COL4A2: variants seen among roughly 807,000 people sequenced by gnomAD.
The protein encoded by COL4A2 is collagen type IV alpha 2 chain.
COL4A2 carries 99 observed loss-of-function variants against 200.2 expected under a neutral mutation model. The observed-to-expected ratio is 0.49, with a 90% CI of 0.42 to 0.58. The LOEUF (loss-of-function observed/expected upper bound fraction) is 0.58. Among genes scored for constraint, COL4A2 ranks in the 20% least tolerant of loss-of-function variants. COL4A2 has a pLI of 0.00. For synonymous variants in COL4A2, 897 were observed against 900.6 expected (o/e 1.00, Z 0.07); for missense variants, 1,950 against 2,314.1 (o/e 0.84, Z 3.23).
At chr13:110,468,620 G>A (rs978990239) in intron 27 of COL4A2, among the ~76,000 whole-genome samples, 3 of 152,094 alleles carry the variant, frequency 2.0e-5, no homozygotes, top group African/African-American at 2.4e-5. Context: ...CCTGCTGTCC[G>A]CACTCCACTT....
At chr13:110,337,308 G>C (rs1266266877) in intron 3 of COL4A2, among the ~76,000 whole-genome samples, 1 of 152,242 alleles carries the variant, frequency 6.6e-6, no homozygotes, top group South Asian at 2.1e-4. Context: ...GTACCCTGCT[G>C]TTTGGAATCA....
At position 110,408,344 on chromosome 13, in the gene COL4A2, G is replaced by A. The variant is rs187014075; in HGVS notation, c.181-16390G>A. On this transcript the variant is annotated intron_variant, in intron 4 of 47. Coordinates refer to ENST00000360467, the MANE Select transcript of COL4A2 (RefSeq NM_001846.4). ...ACCATGGTTCAAGGTGTGAATGGGG[G>A]ACAGGAAGTGGCTTTGGAATGTGTC... Among the ~76,000 whole-genome samples the A allele has an allele frequency of 4.6e-5, 7 of 152,328 alleles. No individual in the cohort carries two copies. In the East Asian group the frequency reaches 1.4e-3, roughly 29 times the overall value.
chr13:110,410,658 A>G (rs1879796024), intron 4 of COL4A2, among the ~76,000 whole-genome samples: 2 of 152,232 alleles, frequency 1.3e-5, no homozygotes, highest in African/African-American at 2.4e-5. Flanking sequence ...AAAATATGTT[A>G]CTGATGTTAC....
chr13:110,494,767 A>C (rs1294359546), intron 39 of COL4A2, among the ~76,000 whole-genome samples: 1 of 152,246 alleles, frequency 6.6e-6, no homozygotes, highest in African/African-American at 2.4e-5. Flanking sequence ...AGCTGCTTTT[A>C]GAATGTGCTG....
At chr13:110,426,734 CAAGT>C (rs1459978948) in intron 6 of COL4A2, among the ~76,000 whole-genome samples, 2 of 152,162 alleles carry the variant, frequency 1.3e-5, no homozygotes, top group Non-Finnish European at 2.9e-5. Flanking sequence ...CAGTTCTAAG[CAAGT>C]AAGAAAGACC....
Position 110,495,499 on chromosome 13 carries a change from G to A in COL4A2, c.3760+32G>A, listed in dbSNP as rs912946. ...CCACACATTCCAAGCCAACATTGCC[G>A]TCCCAGTAACCAGAACCCACCCAGA... On this transcript the variant is annotated intron_variant, in intron 40 of 47. Coordinates refer to ENST00000360467, the MANE Select transcript of COL4A2 (RefSeq NM_001846.4). 126,878 of 1,603,944 alleles carry A rather than the reference G, an allele frequency of 0.079. 5,838 individuals are homozygous for A. Among genetic ancestry groups the A allele is most frequent in the African/African-American group, 0.18 (13,098 of 74,448 alleles).
intron 27 of COL4A2, among the ~76,000 whole-genome samples, chr13:110,468,764 T>C (rs1014836802): frequency 6.6e-6 from 1 of 152,182 alleles, no homozygotes; most frequent in African/African-American, 2.4e-5. Context: ...CAGAAAACAC[T>C]TCTGGAGCCC....
At chr13:110,382,030 C>CAT (rs1290305522) in intron 4 of COL4A2, among the ~76,000 whole-genome samples, 4 of 152,054 alleles carry the variant, frequency 2.6e-5, no homozygotes, top group African/African-American at 4.8e-5. Context: ...TCACGGTTGC[C>CAT]ATATATATAT....
At position 110,438,003 on chromosome 13, in the gene COL4A2, G is replaced by A. The variant is rs372917662; in HGVS notation, c.827G>A (p.Gly276Asp). ...GVTFHPDQYKGEKGSEGEPGI... is the reference protein window; with the variant it reads ...GVTFHPDQYKDEKGSEGEPGI... ...TCTTATTTTTCATATTCTTCACAGG[G>A]TGAAAAAGGCAGTGAGGGGGAACCA... The change falls in exon 14 of 48, where the codon GGT becomes GAT. Residue 276 changes from glycine (G) to aspartate (D), a missense_variant and splice_region_variant. By Grantham distance (94) the Gly-to-Asp change is moderately conservative. This residue lies in a region of COL4A2 where 565 missense variants were observed against 593.5 expected (regional missense o/e 0.95). Coordinates refer to ENST00000360467, the MANE Select transcript of COL4A2 (RefSeq NM_001846.4). 17 of 1,612,364 alleles carry A rather than the reference G, an allele frequency of 1.1e-5. No homozygotes were observed. The highest frequency in any genetic ancestry group is 5.1e-6 in the Non-Finnish European group (6 of 1,178,772).
chr13:110,433,523 A>G (rs1880761659), intron 11 of COL4A2, among the ~76,000 whole-genome samples: 3 of 152,210 alleles, frequency 2.0e-5, no homozygotes, highest in Non-Finnish European at 2.9e-5. Context: ...GCTCCCCACC[A>G]GGTGGGGAAG....
intron 3 of COL4A2, among the ~76,000 whole-genome samples, chr13:110,332,670 T>C (rs1875981609): frequency 6.6e-6 from 1 of 152,266 alleles, no homozygotes; most frequent in African/African-American, 2.4e-5. Flanking sequence ...AGATTTCTAC[T>C]GTGTTAACTT....
rs374353818 is a variant in COL4A2 at position 110,508,766 on chromosome 13, G to T, written c.4881+545G>T. Among the ~76,000 whole-genome samples, 2 of 152,154 alleles carry T rather than the reference G, an allele frequency of 1.3e-5. No individual in the cohort carries two copies. The highest frequency in any genetic ancestry group is 1.9e-4 in the East Asian group (1 of 5,198). ...AGGTGCACAACCAGGACCTGGGAAG[G>T]CACCGCCCACCCTTCCGGATCGCCT... On this transcript the variant is annotated intron_variant, in intron 47 of 47. Coordinates refer to ENST00000360467, the MANE Select transcript of COL4A2 (RefSeq NM_001846.4). This position sits in a 1 kb window ranked among gnomAD's most constrained non-coding sequence, Gnocchi z 6.1.
intron 3 of COL4A2, among the ~76,000 whole-genome samples, chr13:110,352,213 G>C (rs188608715): frequency 9.8e-5 from 15 of 152,342 alleles, no homozygotes; most frequent in Middle Eastern, 3.4e-3. Flanking sequence ...CAGGCTGTCA[G>C]GCAGGGAGGT....
chr13:110,469,983 C>G (rs959257958), intron 28 of COL4A2, among the ~76,000 whole-genome samples: 4 of 141,542 alleles, frequency 2.8e-5, no homozygotes, highest in Non-Finnish European at 6.1e-5. Flanking sequence ...GGCACAATCT[C>G]AGCTCACTGC....
intron 4 of COL4A2, among the ~76,000 whole-genome samples, chr13:110,409,140 C>T (rs549398992): frequency 1.3e-5 from 2 of 152,106 alleles, no homozygotes; most frequent in Admixed American, 6.5e-5. Flanking sequence ...CATGCACACA[C>T]GCACACATGT....
intron 4 of COL4A2, among the ~76,000 whole-genome samples, chr13:110,369,551 C>T (rs769763835): frequency 6.6e-6 from 1 of 152,164 alleles, no homozygotes; most frequent in Non-Finnish European, 1.5e-5. Context: ...TAATAGAGAG[C>T]ACTATTAACA....
chr13:110,485,144 C>A, intron 33 of COL4A2, 117 bp downstream of exon 33: 1 of 882,254 alleles, frequency 1.1e-6, no homozygotes, highest in Non-Finnish European at 1.7e-6. Flanking sequence ...TTTCTTCGTG[C>A]TTTTCATCTC....
chr13:110,355,908 C>T (rs371526034), intron 3 of COL4A2, among the ~76,000 whole-genome samples: 3 of 150,782 alleles, frequency 2.0e-5, no homozygotes, highest in African/African-American at 7.3e-5. Flanking sequence ...CTGTATAGGG[C>T]GGAGGGCAGC....
intron 4 of COL4A2, among the ~76,000 whole-genome samples, chr13:110,390,112 C>T (rs1294773584): frequency 6.6e-6 from 1 of 152,210 alleles, no homozygotes; most frequent in Non-Finnish European, 1.5e-5. Flanking sequence ...TGAGCCTGCT[C>T]TGGGTGCCAG....
Sources: gnomAD v4.1 joint callset for allele counts (sites outside exome capture counted in the v4.1 genomes callset) on GRCh38, gnomAD v4.1.1 for gene constraint, gnomAD v4.1.1 regional missense constraint, Gnocchi (gnomAD v3.1) non-coding constraint, MANE v1.5 for transcripts, NCBI Gene and HGNC (gene_info 2026-07-23, HGNC 2026-07-21) for gene names.